TNKS: variants seen among roughly 807,000 people sequenced by gnomAD.
The protein encoded by TNKS is tankyrase.
Under a neutral mutation model 135.8 loss-of-function variants are expected in TNKS, and 72 were observed. The observed-to-expected ratio is 0.53, with a 90% CI of 0.44 to 0.64. TNKS has a LOEUF of 0.64. TNKS is among the 30% of genes least tolerant of loss of function. The probability of loss-of-function intolerance (pLI) is 0.00; values close to 1 mark genes in which losing one functional copy is unlikely to be tolerated. For synonymous variants in TNKS, 849 were observed against 649.3 expected (o/e 1.31, Z -4.68); for missense variants, 1,769 against 1,674.0 (o/e 1.06, Z -0.99).
chr8:9,590,327 A>G (rs1330916914), intron 2 of TNKS, among the ~76,000 whole-genome samples: 2 of 151,940 alleles, frequency 1.3e-5, no homozygotes, highest in Non-Finnish European at 2.9e-5. Context: ...CTTTCCCCAG[A>G]TTTTTCACTA....
rs117880442 is a variant in TNKS, at chr8:9,631,788, G to A, written c.994+16111G>A. Among the ~76,000 whole-genome samples the A allele has an allele frequency of 4.3e-3, 643 of 149,672 alleles. 11 individuals are homozygous for A. The East Asian group carries it at 0.054, about 13-fold the overall frequency. On this transcript the variant is annotated intron_variant, in intron 3 of 26. Transcript: ENST00000310430. ...TTTTTTTTTTTTTTCAAGAAAAAGT[G>A]TCAAGTTTTTAAGAATTTCAACATG... is the stretch of plus-strand genomic sequence containing the variant.
chr8:9,585,604 A>C (rs1798346609), intron 2 of TNKS, among the ~76,000 whole-genome samples: 1 of 152,228 alleles, frequency 6.6e-6, no homozygotes, highest in Non-Finnish European at 1.5e-5. Flanking sequence ...TAACCTTCTA[A>C]AGCCTGCTGG....
chr8:9,765,092 C>CT (rs1431415260), intron 23 of TNKS, among the ~76,000 whole-genome samples: 1 of 152,186 alleles, frequency 6.6e-6, no homozygotes, highest in Admixed American at 6.5e-5. Flanking sequence ...CAGGCCATAG[C>CT]TGACAATAAT....
Position 9,706,804 on chromosome 8 carries a change from A to G in TNKS, c.1270-7A>G. On this transcript the variant is annotated splice_polypyrimidine_tract_variant and splice_region_variant and intron_variant, in intron 7 of 26. Coordinates refer to ENST00000310430, the MANE Select transcript of TNKS (RefSeq NM_003747.3). ...ACTGACCTAAAATGTTTTTTTTCTC[A>G]ATTCAGCATGGAGCTTGTGTTAATG... is the stretch of plus-strand genomic sequence containing the variant. 2 of 1,584,810 alleles carry G rather than the reference A, an allele frequency of 1.3e-6. No individual in the cohort carries two copies. The highest frequency in any genetic ancestry group is 8.5e-7 in the Non-Finnish European group (1 of 1,171,990).
intron 23 of TNKS, 106 bp from the exon 24 acceptor site, chr8:9,765,586 T>A (rs760617520): frequency 1.1e-6 from 1 of 880,310 alleles, no homozygotes; most frequent in Admixed American, 2.3e-5. Flanking sequence ...AATTATGTCT[T>A]AAGCAAAATA....
intron 17 of TNKS, among the ~76,000 whole-genome samples, chr8:9,743,086 C>T (rs529656660): frequency 1.3e-5 from 2 of 152,200 alleles, no homozygotes; most frequent in South Asian, 2.1e-4. Flanking sequence ...ATGTTGTATT[C>T]GTCCCATGAA....
Position 9,602,417 on chromosome 8 carries a change from C to T in TNKS, c.899-13165C>T, listed in dbSNP as rs187491627. Among the ~76,000 whole-genome samples the T allele has an allele frequency of 1.4e-3, 214 of 152,310 alleles. 1 individual carries two copies. Among genetic ancestry groups the T allele is most frequent in the African/African-American group, 4.8e-3 (199 of 41,560 alleles). On this transcript the variant is annotated intron_variant, in intron 2 of 26. Transcript: ENST00000310430. ...AGAAGAGAGAGAGGCAGAAAGCCCACGCCTCCTCACAAATGGGAAGTGATG... is the reference window on the plus strand; with the variant it reads ...AGAAGAGAGAGAGGCAGAAAGCCCATGCCTCCTCACAAATGGGAAGTGATG...
chr8:9,631,769 T>G (rs1457040796), intron 3 of TNKS, among the ~76,000 whole-genome samples: 1 of 152,150 alleles, frequency 6.6e-6, no homozygotes, highest in Non-Finnish European at 1.5e-5. Flanking sequence ...TTGATTTTTT[T>G]TTTTTTTCAA....
intron 5 of TNKS, among the ~76,000 whole-genome samples, chr8:9,684,383 A>C (rs901956262): frequency 5.9e-5 from 9 of 152,032 alleles, no homozygotes; most frequent in Non-Finnish European, 1.0e-4. Flanking sequence ...ACCTTTTATA[A>C]TAAATGAAAA....
chr8:9,770,707 A>G lies in TNKS; in HGVS notation c.3897+445A>G, dbSNP rs148245671. ...CATAACTACAATAAAAGAGAAAAAT[A>G]AAGAAGGAAATAACTAAATATATAT... On this transcript the variant is annotated intron_variant, in intron 26 of 26. Coordinates refer to ENST00000310430, the MANE Select transcript of TNKS (RefSeq NM_003747.3). 4.1e-4 allele frequency among the ~76,000 whole-genome samples: 63 copies of G among 152,384 alleles called. 1 individual carries two copies. The East Asian group carries it at 0.012, about 28-fold the overall frequency.
intron 2 of TNKS, among the ~76,000 whole-genome samples, chr8:9,592,709 A>G (rs989945477): frequency 6.6e-6 from 1 of 152,214 alleles, no homozygotes; most frequent in African/African-American, 2.4e-5. Flanking sequence ...GTGTGAAGTG[A>G]CAAAGCAGTT....
At chr8:9,628,086 G>T (rs1329110980) in intron 3 of TNKS, among the ~76,000 whole-genome samples, 1 of 152,076 alleles carries the variant, frequency 6.6e-6, no homozygotes, top group African/African-American at 2.4e-5. Flanking sequence ...GTTTCCTGCA[G>T]CTATGCTCTG....
At chr8:9,766,529 C>A in intron 25 of TNKS, 104 bp downstream of exon 25, 1 of 1,115,334 alleles carries the variant, frequency 9.0e-7, no homozygotes, top group Non-Finnish European at 1.2e-6. Flanking sequence ...TCTTGTCACC[C>A]AGGCTGGAGT....
At chr8:9,775,457 TTC>T (rs1335367433) in intron 26 of TNKS, among the ~76,000 whole-genome samples, 3 of 65,792 alleles carry the variant, frequency 4.6e-5, no homozygotes, top group Non-Finnish European at 6.1e-5. Flanking sequence ...TTATGAATGG[TTC>T]TATATATATA....
At chr8:9,568,115 T>C (rs1025156463) in intron 1 of TNKS, among the ~76,000 whole-genome samples, 5 of 152,188 alleles carry the variant, frequency 3.3e-5, no homozygotes, top group African/African-American at 1.2e-4. Flanking sequence ...TTTTTGAGAG[T>C]GACCTGTAGA....
chr8:9,662,965 G>A (rs1801796005), intron 3 of TNKS, among the ~76,000 whole-genome samples: 1 of 152,172 alleles, frequency 6.6e-6, no homozygotes, highest in African/African-American at 2.4e-5. Context: ...AGTTAATCTT[G>A]AGATGGAGAG....
rs1204895063 is a variant in TNKS, at chr8:9,736,350, TAAAAAAAA to T, written c.2643+881_2643+888del. ...CTGATCAACATAGTGAGACCTCATC[TAAAAAAAA>T]AAAAAAAAAAAAAAAATTAAATGGT... On this transcript the variant is annotated intron_variant, in intron 17 of 26. Coordinates refer to ENST00000310430, the MANE Select transcript of TNKS (RefSeq NM_003747.3). Among the ~76,000 whole-genome samples the T allele has an allele frequency of 1.8e-4, 16 of 87,434 alleles. No individual in the cohort carries two copies. In the South Asian group the frequency reaches 2.2e-3, roughly 12 times the overall value. 57.4% of individuals were successfully genotyped at this position (87,434 alleles called of 152,430 possible).
chr8:9,710,039 A>T lies in TNKS; in HGVS notation c.1663A>T (p.Asn555Tyr). The change falls in exon 10 of 27, where the codon AAT (asparagine) becomes TAT (tyrosine). Residue 555 changes from asparagine (N) to tyrosine (Y), a missense_variant. Asn to Tyr is a moderately radical substitution (Grantham distance 143). Around this residue, in one of 5 missense-constraint regions of TNKS, gnomAD observed 523 missense variants for 541.0 expected, o/e 0.97. Transcript: ENST00000310430. ...LRKGANVNEKNKDFMTPLHVA... is the reference protein window; with the variant it reads ...LRKGANVNEKYKDFMTPLHVA... ...AAAAGGAGCAAATGTTAATGAAAAA[A>T]ATAAAGAGTAAGTATAATTGCAGAA... 1 of 1,613,722 alleles carries T rather than the reference A, an allele frequency of 6.2e-7. No homozygotes were observed. Among genetic ancestry groups the T allele is most frequent in the Non-Finnish European group, 8.5e-7 (1 of 1,179,600 alleles).
intron 5 of TNKS, among the ~76,000 whole-genome samples, chr8:9,683,995 A>C (rs959552923): frequency 6.6e-6 from 1 of 151,322 alleles, no homozygotes; most frequent in African/African-American, 2.4e-5. Flanking sequence ...CTAAAATGCT[A>C]CCTTTTGTTG....
Sources: allele counts gnomAD v4.1 joint callset (sites outside exome capture counted in the v4.1 genomes callset), GRCh38; gene constraint gnomAD v4.1.1; regional missense constraint gnomAD v4.1.1; transcripts MANE v1.5; gene names NCBI Gene and HGNC (gene_info 2026-07-23, HGNC 2026-07-21).